CDH13: variants seen among roughly 807,000 people sequenced by gnomAD.
The protein encoded by CDH13 is cadherin-13.
CDH13 carries 24 observed loss-of-function variants against 63.8 expected under a neutral mutation model. The ratio of observed to expected loss-of-function variants is 0.38; its 90% CI spans 0.27 to 0.53. The LOEUF (loss-of-function observed/expected upper bound fraction) is 0.53. Ranked by LOEUF, CDH13 falls within the 20% of genes least tolerant of loss-of-function variation. The pLI is 0.85. For synonymous variants in CDH13, 503 were observed against 355.3 expected, an observed-to-expected ratio of 1.42 and a Z score of -4.67; for missense variants, 1,049 against 903.1, an observed-to-expected ratio of 1.16 and a Z score of -2.07.
At chr16:83,307,547 G>C (rs907683095) in intron 5 of CDH13, among the ~76,000 whole-genome samples, 2 of 152,160 alleles carry the variant, frequency 1.3e-5, no homozygotes, top group African/African-American at 4.8e-5. Flanking sequence ...AAATCCTTCA[G>C]GGCCAGGAAA....
chr16:82,991,130 C>G (rs1454340072), intron 2 of CDH13, among the ~76,000 whole-genome samples: 1 of 152,150 alleles, frequency 6.6e-6, no homozygotes, highest in Non-Finnish European at 1.5e-5. Flanking sequence ...GCACAATGGC[C>G]TTCTCCCAAG....
chr16:82,694,127 C>T lies in CDH13; in HGVS notation c.45+66990C>T, dbSNP rs185002904. Among the ~76,000 whole-genome samples the T allele has an allele frequency of 2.6e-4, 40 of 152,240 alleles. No homozygotes were observed. The East Asian group carries it at 7.5e-3, about 29-fold the overall frequency. The stretch of plus-strand genomic sequence containing the variant: ...GTAGGTACTCAATAATTCTGTCTCC[C>T]CAGTTAATTTATTCACTTGCATATA... On this transcript the variant is annotated intron_variant, in intron 1 of 13. Transcript: ENST00000567109.
chr16:83,780,314 A>G, intron 12 of CDH13, 113 bp downstream of exon 12: 2 of 683,068 alleles, frequency 2.9e-6, no homozygotes, highest in South Asian at 4.1e-5. Flanking sequence ...GGTTCATTTT[A>G]AGTTATTGGC....
chr16:83,030,641 A>T (rs1235976810), intron 2 of CDH13, among the ~76,000 whole-genome samples: 1 of 23,398 alleles, frequency 4.3e-5, no homozygotes, highest in East Asian at 6.7e-4. Context: ...AGACTCTGTT[A>T]AAAAAAAAAA....
intron 10 of CDH13, among the ~76,000 whole-genome samples, chr16:83,683,069 C>A (rs533195308): frequency 1.3e-5 from 2 of 152,344 alleles, no homozygotes; most frequent in Admixed American, 1.3e-4. Context: ...CTTTCATCTC[C>A]CCAGGGAATG....
At chr16:83,552,995 C>T (rs572520318) in intron 7 of CDH13, among the ~76,000 whole-genome samples, 7 of 151,584 alleles carry the variant, frequency 4.6e-5, no homozygotes, top group South Asian at 4.2e-4. Flanking sequence ...AGGAGAATCA[C>T]TTGAACCCAG....
At chr16:83,080,231 A>G (rs2033140667) in intron 3 of CDH13, among the ~76,000 whole-genome samples, 1 of 151,710 alleles carries the variant, frequency 6.6e-6, no homozygotes. Context: ...GAGGTGGTTC[A>G]GGGCCCCATG....
At chr16:83,384,263 A>T (rs1011562576) in intron 6 of CDH13, among the ~76,000 whole-genome samples, 1 of 152,160 alleles carries the variant, frequency 6.6e-6, no homozygotes, top group Non-Finnish European at 1.5e-5. Flanking sequence ...CACATGATGT[A>T]ACCAGCCTCT....
intron 6 of CDH13, among the ~76,000 whole-genome samples, chr16:83,449,570 G>A (rs17288955): frequency 0.18 from 26,836 of 152,066 alleles, 2,980 homozygotes; most frequent in Non-Finnish European, 0.25. Flanking sequence ...TTGGAATTTC[G>A]CTTCTACCAA....
rs59677448 is a variant in CDH13, at chr16:82,896,276, A to ATTTTTTTTTT, written c.157+37827_157+37836dup. Among the ~76,000 whole-genome samples the ATTTTTTTTTT allele has an allele frequency of 7.2e-3, 630 of 87,766 alleles. 68 individuals are homozygous for ATTTTTTTTTT. The highest frequency in any genetic ancestry group is 0.017 in the African/African-American group (390 of 23,486). The allele number at this position is 87,766 out of a possible 152,430, so 57.6% of individuals were successfully genotyped here. A position where few individuals can be genotyped will look rare whatever the true frequency, so the allele number is the denominator to read the frequency against. Reference sequence around the variant, plus strand: ...GAGTCTTCTGAGAACTAGGATTAGGATTTTTTTTTTTTTTTTTTTTTTTTT... The same window carrying ATTTTTTTTTT: ...GAGTCTTCTGAGAACTAGGATTAGGATTTTTTTTTTTTTTTTTTTTTTTTTTTTTTTTTTT... On this transcript the variant is annotated intron_variant, in intron 2 of 13. Transcript: ENST00000567109.
chr16:83,082,435 GC>G (rs1204899507), intron 3 of CDH13, among the ~76,000 whole-genome samples: 1 of 151,866 alleles, frequency 6.6e-6, no homozygotes, highest in Non-Finnish European at 1.5e-5. Context: ...GACCAGCCTG[GC>G]CAACATGGTG....
chr16:83,630,955 G>T (rs1384081446), intron 8 of CDH13, among the ~76,000 whole-genome samples: 1 of 152,138 alleles, frequency 6.6e-6, no homozygotes, highest in East Asian at 1.9e-4. Context: ...CAATGCCAAG[G>T]TCAATAATAT....
chr16:83,384,999 A>G (rs545241787), intron 6 of CDH13, among the ~76,000 whole-genome samples: 3 of 152,334 alleles, frequency 2.0e-5, no homozygotes, highest in East Asian at 1.9e-4. Flanking sequence ...CCTCTTTCAA[A>G]CAAAGATGGT....
intron 2 of CDH13, among the ~76,000 whole-genome samples, chr16:82,865,113 C>G (rs928610823): frequency 3.3e-5 from 5 of 152,246 alleles, no homozygotes; most frequent in African/African-American, 1.2e-4. Context: ...GGCAGTTCCA[C>G]CCCCATGGCT....
At chr16:83,441,222 C>G (rs2072471330) in intron 6 of CDH13, among the ~76,000 whole-genome samples, 1 of 152,184 alleles carries the variant, frequency 6.6e-6, no homozygotes, top group Admixed American at 6.5e-5. Flanking sequence ...TTTGTTGGCA[C>G]TCAATCTCTA....
intron 2 of CDH13, among the ~76,000 whole-genome samples, chr16:83,010,049 C>G (rs928579621): frequency 6.7e-6 from 1 of 148,458 alleles, no homozygotes; most frequent in Non-Finnish European, 1.5e-5. Flanking sequence ...GCAGGAGAAT[C>G]ACTTCAACCC....
At chr16:83,727,647 A>G (rs74032261) in intron 10 of CDH13, among the ~76,000 whole-genome samples, 6,329 of 152,186 alleles carry the variant, frequency 0.042, 436 homozygotes, top group African/African-American at 0.14. Flanking sequence ...ATGTTAGTAC[A>G]TCAACATTAG....
intron 6 of CDH13, among the ~76,000 whole-genome samples, chr16:83,400,303 G>T (rs963713269): frequency 6.6e-6 from 1 of 152,156 alleles, no homozygotes; most frequent in Non-Finnish European, 1.5e-5. Flanking sequence ...AGGTGTTAGA[G>T]ATCAAGTGTT....
At chr16:83,265,646 C>T (rs1219095625) in intron 5 of CDH13, among the ~76,000 whole-genome samples, 1 of 150,880 alleles carries the variant, frequency 6.6e-6, no homozygotes, top group Non-Finnish European at 1.5e-5. Context: ...TACAGTATCC[C>T]CTCTTAGCTC....
Sources: gnomAD v4.1 joint callset for allele counts (sites outside exome capture counted in the v4.1 genomes callset) on GRCh38, gnomAD v4.1.1 for gene constraint, MANE v1.5 for transcripts, NCBI Gene and HGNC (gene_info 2026-07-23, HGNC 2026-07-21) for gene names.